The following ANO4 variants were observed in gnomAD, a reference collection of about 807,000 sequenced individuals.
The protein encoded by ANO4 is anoctamin 4.
A neutral mutation model predicts 141.9 loss-of-function variants in ANO4; 69 were observed. That is an observed-to-expected ratio of 0.49 (90% CI 0.40 to 0.59). The LOEUF is 0.59. ANO4 is among the 20% of genes least tolerant of loss of function. The pLI is 0.00. For missense variants in ANO4, 894 were observed against 1,162.2 expected, an observed-to-expected ratio of 0.77 and a Z score of 3.36; for synonymous variants, 350 against 394.3, an observed-to-expected ratio of 0.89 and a Z score of 1.33.
chr12:100,980,370 A>G (rs1171996345), intron 7 of ANO4, among the ~76,000 whole-genome samples: 1 of 152,178 alleles, frequency 6.6e-6, no homozygotes, highest in Non-Finnish European at 1.5e-5. Flanking sequence ...TTAACTCTTC[A>G]TTTCACATCA....
chr12:101,029,456 T>C (rs1437531884), intron 9 of ANO4, among the ~76,000 whole-genome samples: 2 of 151,924 alleles, frequency 1.3e-5, no homozygotes, highest in African/African-American at 4.8e-5. Context: ...AAGACCCCCA[T>C]AGGCTCAAAA....
At chr12:100,741,940 TC>T (rs1294478649) in intron 3 of ANO4, among the ~76,000 whole-genome samples, 2 of 152,134 alleles carry the variant, frequency 1.3e-5, no homozygotes, top group African/African-American at 4.8e-5. Context: ...TTATCATGGT[TC>T]CCTTAGTTGA....
intron 3 of ANO4, among the ~76,000 whole-genome samples, chr12:100,931,487 A>T (rs1472527545): frequency 1.3e-5 from 2 of 152,180 alleles, no homozygotes; most frequent in African/African-American, 4.8e-5. Context: ...TGGGGTCTGA[A>T]TTGAATGAAA....
At chr12:101,092,376 A>G (rs2049812040) in intron 17 of ANO4, among the ~76,000 whole-genome samples, 1 of 152,232 alleles carries the variant, frequency 6.6e-6, no homozygotes, top group East Asian at 1.9e-4. Context: ...GGTTACAGAT[A>G]TTCACAATGA....
chr12:100,823,901 T>G (rs2036191813), intron 1 of ANO4, among the ~76,000 whole-genome samples: 1 of 152,024 alleles, frequency 6.6e-6, no homozygotes, highest in Non-Finnish European at 1.5e-5. Context: ...ACATACTGTA[T>G]TAGAATAGTT....
chr12:100,795,929 C>A (rs1200319894), intron 1 of ANO4, among the ~76,000 whole-genome samples: 1 of 152,074 alleles, frequency 6.6e-6, no homozygotes, highest in Non-Finnish European at 1.5e-5. Context: ...CTGCAAAGAG[C>A]ATCACAACTT....
chr12:100,806,950 A>C (rs1005208104), intron 1 of ANO4, among the ~76,000 whole-genome samples: 1 of 151,662 alleles, frequency 6.6e-6, no homozygotes, highest in Non-Finnish European at 1.5e-5. Context: ...TATTTGAGGC[A>C]TAATAAATTT....
chr12:101,059,745 A>G (rs1248651991), intron 14 of ANO4, among the ~76,000 whole-genome samples: 1 of 151,878 alleles, frequency 6.6e-6, no homozygotes, highest in Non-Finnish European at 1.5e-5. Context: ...ATCATTTTTT[A>G]TTGTGCCTAT....
chr12:100,922,163 G>A, intron 2 of ANO4, 63 bp from the exon 3 acceptor site: 3 of 1,211,506 alleles, frequency 2.5e-6, no homozygotes, highest in South Asian at 3.4e-5. Flanking sequence ...TTCTCCTTGG[G>A]ACCCTAATGA....
At chr12:100,729,834 A>G (rs1055658069) in intron 1 of ANO4, among the ~76,000 whole-genome samples, 2 of 152,204 alleles carry the variant, frequency 1.3e-5, no homozygotes, top group Non-Finnish European at 2.9e-5. Context: ...TTTTCAAAAT[A>G]CTGCCACCAA....
chr12:100,963,774 T>C (rs919182442), intron 5 of ANO4, among the ~76,000 whole-genome samples: 5 of 152,122 alleles, frequency 3.3e-5, no homozygotes, highest in African/African-American at 1.2e-4. Context: ...TCGAGGAATG[T>C]ACACTTATCC....
At chr12:100,798,332 A>G (rs988456606) in intron 1 of ANO4, among the ~76,000 whole-genome samples, 11 of 152,294 alleles carry the variant, frequency 7.2e-5, no homozygotes, top group Admixed American at 2.0e-4. Context: ...ACAGAGTACA[A>G]AGAGTTATGT....
At chr12:100,853,441 C>T (rs926993038) in intron 1 of ANO4, among the ~76,000 whole-genome samples, 1 of 151,974 alleles carries the variant, frequency 6.6e-6, no homozygotes, top group Non-Finnish European at 1.5e-5. Flanking sequence ...AAAGACTGTC[C>T]TCTACAATTA....
rs1340604836 is a variant in ANO4, at chr12:101,081,740, G to A, written c.1396-1938G>A. Among the ~76,000 whole-genome samples the A allele has an allele frequency of 2.0e-5, 3 of 152,232 alleles. No individual in the cohort carries two copies. The East Asian group carries it at 5.8e-4, about 29-fold the overall frequency. ...GCTAGAAGTCCAAGCCAAGGTGTCA[G>A]CAGGGTTGGTTCTTTCTGAGAACCA... On this transcript the variant is annotated intron_variant, in intron 15 of 27. Transcript: ENST00000392977.
chr12:101,054,754 C>G (rs1270584252), intron 14 of ANO4, among the ~76,000 whole-genome samples: 2 of 151,948 alleles, frequency 1.3e-5, no homozygotes, highest in African/African-American at 4.9e-5. Context: ...CCCGCCTTGG[C>G]CTCCCAAAGT....
chr12:100,853,416 CT>C (rs2135858900), intron 1 of ANO4, among the ~76,000 whole-genome samples: 1 of 151,740 alleles, frequency 6.6e-6, no homozygotes, highest in African/African-American at 2.4e-5. Context: ...TTGTTTTTAC[CT>C]TCATATTTAT....
chr12:100,764,231 A>G (rs893855899), intron 3 of ANO4, among the ~76,000 whole-genome samples: 1 of 152,210 alleles, frequency 6.6e-6, no homozygotes, highest in Admixed American at 6.5e-5. Context: ...GCAATATGGC[A>G]TTATTGGATA....
intron 8 of ANO4, among the ~76,000 whole-genome samples, chr12:101,006,475 C>T (rs1414069828): frequency 6.6e-6 from 1 of 152,216 alleles, no homozygotes; most frequent in Non-Finnish European, 1.5e-5. Context: ...AAAGTAGGTA[C>T]TTCCTCAAAA....
chr12:100,826,129 C>T (rs747280497), intron 1 of ANO4, among the ~76,000 whole-genome samples: 8 of 151,594 alleles, frequency 5.3e-5, no homozygotes, highest in Non-Finnish European at 8.8e-5. Flanking sequence ...TTATAATGAA[C>T]GTAGATTAGT....
Sources: allele counts gnomAD v4.1 joint callset (sites outside exome capture counted in the v4.1 genomes callset), GRCh38; gene constraint gnomAD v4.1.1; transcripts MANE v1.5; gene names NCBI Gene and HGNC (gene_info 2026-07-23, HGNC 2026-07-21).